Variants in CEP350 observed in about 807,000 individuals in gnomAD.
The protein encoded by CEP350 is centrosomal protein 350.
A neutral mutation model predicts 331.8 loss-of-function variants in CEP350; 126 were observed. That is an observed-to-expected ratio of 0.38 (90% CI 0.33 to 0.44). CEP350 has a LOEUF of 0.44. Among genes scored for constraint, CEP350 ranks in the 20% least tolerant of loss-of-function variants. CEP350 has a pLI of 1.00. For missense variants in CEP350, 3,406 were observed against 3,634.6 expected (o/e 0.94, Z 1.62); for synonymous variants, 1,200 against 1,259.5 (o/e 0.95, Z 1.00).
At chr1:180,109,527 G>T (rs901740638) in intron 37 of CEP350, among the ~76,000 whole-genome samples, 1 of 152,142 alleles carries the variant, frequency 6.6e-6, no homozygotes, top group Non-Finnish European at 1.5e-5. Context: ...CCCTGTCACT[G>T]CAATTAACTT....
chr1:180,030,805 A>G (rs529031518), intron 14 of CEP350, among the ~76,000 whole-genome samples: 1 of 152,214 alleles, frequency 6.6e-6, no homozygotes, highest in South Asian at 2.1e-4. Context: ...ATTGAATAAC[A>G]TGCATAATTT....
chr1:180,086,428 C>T (rs533019006), intron 31 of CEP350, among the ~76,000 whole-genome samples: 1 of 151,976 alleles, frequency 6.6e-6, no homozygotes. Context: ...AGAAAAGAGC[C>T]CTCTAGAGAG....
intron 5 of CEP350, among the ~76,000 whole-genome samples, chr1:179,994,055 T>G (rs1467619882): frequency 2.0e-5 from 3 of 152,208 alleles, no homozygotes; most frequent in Admixed American, 6.5e-5. Context: ...ATGCCTAGCA[T>G]GTACTAAATA....
Position 180,098,941 on chromosome 1 carries a change from A to G in CEP350, c.9145A>G (p.Met3049Val), listed in dbSNP as rs755064007. Reference protein sequence around the residue: ...PNHKTDWQKMMKFGRKKRDRV... With the variant: ...PNHKTDWQKMVKFGRKKRDRV... Reference sequence around the variant, plus strand: ...CCACAAAACAGATTGGCAGAAAATGATGAAATTTGGAAGAAAGAAAAGAGA... The same window carrying G: ...CCACAAAACAGATTGGCAGAAAATGGTGAAATTTGGAAGAAAGAAAAGAGA... Residue 3049 changes from methionine (M) to valine (V), a missense_variant, in exon 37 of 38, where the codon ATG (methionine) becomes GTG (valine). Physicochemically the swap from Met to Val is conservative, Grantham distance 21. Transcript: ENST00000367607. 2 of 1,613,770 alleles carry G rather than the reference A, an allele frequency of 1.2e-6. No individual in the cohort carries two copies. Among genetic ancestry groups the G allele is most frequent in the South Asian group, 1.1e-5 (1 of 91,080 alleles).
Position 180,093,568 on chromosome 1 carries a change from T to C in CEP350, c.7463T>C (p.Val2488Ala). ...ACTGAATCCCCTTCCTTGGCTTCAGTTCCTACTGCAGACGAGTTATTTGAT... is the reference window on the plus strand; with the variant it reads ...ACTGAATCCCCTTCCTTGGCTTCAGCTCCTACTGCAGACGAGTTATTTGAT... ...QVTESPSLAS[V>A]PTADELFDFH... Residue 2488 changes from valine to alanine, a missense_variant, in exon 34 of 38, where the codon GTT becomes GCT. By Grantham distance (64) the Val-to-Ala change is moderately conservative. Coordinates refer to ENST00000367607, the MANE Select transcript of CEP350 (RefSeq NM_014810.5). 6.2e-7 allele frequency: 1 copy of C among 1,613,964 alleles called. No homozygotes were observed. Among genetic ancestry groups the C allele is most frequent in the Non-Finnish European group, 8.5e-7 (1 of 1,179,856 alleles).
intron 1 of CEP350, among the ~76,000 whole-genome samples, chr1:179,969,888 A>G (rs1172975770): frequency 6.6e-6 from 1 of 152,194 alleles, no homozygotes; most frequent in African/African-American, 2.4e-5. Context: ...TCTTATGTAT[A>G]AGGGAAAATT....
At chr1:180,062,692 G>C (rs182425745) in intron 26 of CEP350, among the ~76,000 whole-genome samples, 96 of 152,326 alleles carry the variant, frequency 6.3e-4, no homozygotes, top group African/African-American at 2.3e-3. Context: ...GGCATCACAT[G>C]ACAAGGGGGC....
At chr1:180,039,766 C>CT (rs776814275) in intron 17 of CEP350, among the ~76,000 whole-genome samples, 3 of 151,568 alleles carry the variant, frequency 2.0e-5, no homozygotes, top group East Asian at 1.9e-4. Context: ...TTCCGTGTAA[C>CT]TTTTAGAATC....
At chr1:179,963,673 C>T (rs1402144172) in intron 1 of CEP350, among the ~76,000 whole-genome samples, 1 of 151,720 alleles carries the variant, frequency 6.6e-6, no homozygotes, top group Non-Finnish European at 1.5e-5. Context: ...TTTCTGGGTT[C>T]TCTATTCTGT....
In CEP350 at chr1:180,054,339, G is replaced by C. The variant is rs983088737; in HGVS notation, c.5175-76G>C. ...AAATTGGTTTGTAGACTTTTTAGTA[G>C]TCAAGAATTCTTGACATTATTCAGG... On this transcript the variant is annotated intron_variant, in intron 24 of 37. Transcript: ENST00000367607. The C allele has an allele frequency of 4.6e-5, 56 of 1,227,312 alleles. No individual in the cohort carries two copies. In the African/African-American group the frequency reaches 8.1e-4, roughly 18 times the overall value. The allele number at this position is 1,227,312 out of a possible 1,614,324, so 76.0% of individuals were successfully genotyped here.
chr1:180,074,295 C>T (rs903811373), intron 27 of CEP350, among the ~76,000 whole-genome samples: 2 of 152,148 alleles, frequency 1.3e-5, no homozygotes, highest in Non-Finnish European at 2.9e-5. Flanking sequence ...TCTCCTAACC[C>T]TCTGGGCCTA....
chr1:179,969,623 T>G (rs1651286611), intron 1 of CEP350: 2 of 324,998 alleles, frequency 6.2e-6, no homozygotes, highest in South Asian at 5.2e-5. Context: ...GAAGTTTTCC[T>G]CAAAAAGTGA....
At position 179,955,065 on chromosome 1, in the gene CEP350, C is replaced by A; in HGVS notation, c.-91C>A. ...CAGGCCGGGCAGCCCTGGGGCCGGT[C>A]GGGGCGGCGTCACTGCACCCTCCGC... On this transcript the variant is annotated 5_prime_UTR_variant, in exon 1 of 38. Transcript: ENST00000367607. 7.1e-7 allele frequency: 1 copy of A among 1,414,644 alleles called. No homozygotes were observed. The highest frequency in any genetic ancestry group is 3.0e-5 in the East Asian group (1 of 33,218). The allele number at this position is 1,414,644 out of a possible 1,614,324, so 87.6% of individuals were successfully genotyped here. A position where few individuals can be genotyped will look rare whatever the true frequency, so the allele number is the denominator to read the frequency against.
chr1:180,022,644 T>G, intron 12 of CEP350, 54 bp from the exon 13 acceptor site: 1 of 1,528,342 alleles, frequency 6.5e-7, no homozygotes. Context: ...GATGCTTTTC[T>G]TACAGTTTCT....
At chr1:180,029,370 C>T (rs1178728009) in intron 14 of CEP350, among the ~76,000 whole-genome samples, 3 of 152,122 alleles carry the variant, frequency 2.0e-5, no homozygotes, top group African/African-American at 7.2e-5. Flanking sequence ...AGCGTTCTTA[C>T]TATGAAAGCA....
chr1:179,994,737 A>T (rs1282758228), intron 5 of CEP350, among the ~76,000 whole-genome samples: 1 of 152,080 alleles, frequency 6.6e-6, no homozygotes, highest in Non-Finnish European at 1.5e-5. Context: ...TACAGGTGTG[A>T]GCCACCACAC....
chr1:180,092,551 G>T lies in CEP350; in HGVS notation c.6509-63G>T. On this transcript the variant is annotated intron_variant, in intron 33 of 37. Coordinates refer to ENST00000367607, the MANE Select transcript of CEP350 (RefSeq NM_014810.5). ...AAATTTGGCTTTTCTCTAAACTTTG[G>T]TTCACAAAATTGAAAGATAGTGATT... is the stretch of plus-strand genomic sequence containing the variant. 2.3e-6 allele frequency: 3 copies of T among 1,297,746 alleles called. No individual in the cohort carries two copies. The South Asian group carries it at 6.1e-5, about 27-fold the overall frequency. The allele number at this position is 1,297,746 out of a possible 1,614,324, so 80.4% of individuals were successfully genotyped here.
intron 1 of CEP350, among the ~76,000 whole-genome samples, chr1:179,966,191 A>G (rs1468762841): frequency 6.6e-6 from 1 of 152,206 alleles, no homozygotes; most frequent in Non-Finnish European, 1.5e-5. Flanking sequence ...TTAGTTGCTT[A>G]AGCTTTTTAT....
rs201454582 is a variant in CEP350 at position 179,987,347 on chromosome 1, TGAATAGA to T, written c.120+62_120+68del. ...ATTAAAATCAATTTCCTGTTATGAT[TGAATAGA>T]TTAAAATGTTTTCCATACTGTTCTT... On this transcript the variant is annotated intron_variant, in intron 3 of 37. Coordinates refer to ENST00000367607, the MANE Select transcript of CEP350 (RefSeq NM_014810.5). The T allele has an allele frequency of 3.0e-3, 2,698 of 900,224 alleles. 43 individuals carry two copies. In the African/African-American group the frequency reaches 0.033, roughly 11 times the overall value. 55.8% of individuals were successfully genotyped at this position (900,224 alleles called of 1,614,324 possible).
Sources: gnomAD v4.1 joint callset for allele counts (sites outside exome capture counted in the v4.1 genomes callset) on GRCh38, gnomAD v4.1.1 for gene constraint, MANE v1.5 for transcripts, NCBI Gene and HGNC (gene_info 2026-07-23, HGNC 2026-07-21) for gene names.